The following HTN1 variants were observed in gnomAD, a reference collection of about 807,000 sequenced individuals.
The protein encoded by HTN1 is histatin-1.
In HTN1, 18 loss-of-function variants were observed where a neutral mutation model predicts 11.2. The observed-to-expected ratio is 1.61, with a 90% confidence interval of 1.12 to 2.39. The LOEUF (loss-of-function observed/expected upper bound fraction) is 2.39, where lower values mean the gene tolerates loss of function less well. HTN1 is among the 30% of genes most tolerant of loss of function. HTN1 has a pLI of 0.00. For missense variants in HTN1, 80 were observed against 67.2 expected, an observed-to-expected ratio of 1.19 and a Z score of -0.67; for synonymous variants, 21 against 20.5, an observed-to-expected ratio of 1.02 and a Z score of -0.07.
Position 70,055,597 on chromosome 4 carries a change from A to T in HTN1, c.*28A>T, listed in dbSNP as rs1414486147. The T allele has an allele frequency of 2.2e-6, 3 of 1,386,414 alleles. No individual in the cohort carries two copies. The highest frequency in any genetic ancestry group is 2.9e-5 in the African/African-American group (2 of 69,952). The allele number at this position is 1,386,414 out of a possible 1,614,324, so 85.9% of individuals were successfully genotyped here. On this transcript the variant is annotated 3_prime_UTR_variant, in exon 5 of 6. Transcript: ENST00000246896. ...TCCTTAGTAATCATGGGGCATGATT[A>T]TAGAGGTAAGCTGACTCTAGTTGCT...
At chr4:70,052,830 T>A in intron 1 of HTN1, 1 of 348,144 alleles carries the variant, frequency 2.9e-6, no homozygotes, top group Non-Finnish European at 5.3e-6. Flanking sequence ...TCGCTGGGCA[T>A]GGTGGCACAC....
intron 2 of HTN1, 43 bp from the exon 3 acceptor site, chr4:70,054,279 A>G: frequency 1.7e-6 from 2 of 1,204,348 alleles, no homozygotes; most frequent in Non-Finnish European, 2.3e-6. Flanking sequence ...TTGAATTATA[A>G]AATTAAAATA....
intron 2 of HTN1, 137 bp downstream of exon 2, chr4:70,053,264 T>C: frequency 1.8e-6 from 1 of 550,942 alleles, no homozygotes; most frequent in South Asian, 2.9e-5. Context: ...CTACAAGGAG[T>C]TTCTTTGAAT....
At chr4:70,050,972 A>T (rs1258864449) in intron 1 of HTN1, among the ~76,000 whole-genome samples, 1 of 152,138 alleles carries the variant, frequency 6.6e-6, no homozygotes, top group Admixed American at 6.6e-5. Context: ...CCAGATCTCA[A>T]TTCCTATGAA....
intron 5 of HTN1, chr4:70,056,347 G>T (rs10019826): frequency 1.2e-4 from 18 of 151,992 alleles, no homozygotes; most frequent in African/African-American, 4.1e-4. Flanking sequence ...GCAGAAAACC[G>T]AAACTGGACC....
At chr4:70,053,773 T>C (rs2109727937) in intron 2 of HTN1, among the ~76,000 whole-genome samples, 1 of 152,194 alleles carries the variant, frequency 6.6e-6, no homozygotes, top group East Asian at 1.9e-4. Context: ...TCTATGAACT[T>C]AATAGAAAAT....
At chr4:70,053,603 A>C (rs56848198) in intron 2 of HTN1, among the ~76,000 whole-genome samples, 5,794 of 152,210 alleles carry the variant, frequency 0.038, 357 homozygotes, top group African/African-American at 0.13. Context: ...TGCTTATTTT[A>C]AACCATAAAA....
In HTN1 at chr4:70,058,623, TC is replaced by T. The variant is rs970213216; in HGVS notation, c.*78del. On this transcript the variant is annotated 3_prime_UTR_variant, in exon 6 of 6. Transcript: ENST00000246896. ...CTTTTTACTCATTTATTCTCATTCA[TC>T]ATACCGCATCACACTACCACTGCTT... 6.6e-6 allele frequency: 1 copy of T among 152,194 alleles called. No individual in the cohort carries two copies. Among genetic ancestry groups the T allele is most frequent in the Non-Finnish European group, 1.5e-5 (1 of 68,018 alleles). 9.4% of individuals were successfully genotyped at this position (152,194 alleles called of 1,614,324 possible).
intron 1 of HTN1, chr4:70,052,832 G>T (rs1725930691): frequency 5.5e-6 from 2 of 366,778 alleles, no homozygotes; most frequent in Non-Finnish European, 1.0e-5. Flanking sequence ...GCTGGGCATG[G>T]TGGCACACAC....
At chr4:70,051,119 A>T (rs1725880490) in intron 1 of HTN1, among the ~76,000 whole-genome samples, 1 of 152,156 alleles carries the variant, frequency 6.6e-6, no homozygotes, top group Non-Finnish European at 1.5e-5. Flanking sequence ...TTAATTATTA[A>T]TTCTACATTT....
At chr4:70,054,255 A>G (rs1263127903) in intron 2 of HTN1, 67 bp from the exon 3 acceptor site, 4 of 1,024,648 alleles carry the variant, frequency 3.9e-6, no homozygotes, top group Non-Finnish European at 5.7e-6. Flanking sequence ...CTAAGTCAAT[A>G]TTTATACTTA....
At chr4:70,053,221 C>A in intron 2 of HTN1, 94 bp downstream of exon 2, 1 of 767,802 alleles carries the variant, frequency 1.3e-6, no homozygotes, top group African/African-American at 1.7e-5. Context: ...CTCATGTTGA[C>A]CTCAATACAG....
chr4:70,058,013 T>A (rs1726086857), intron 5 of HTN1: 1 of 152,212 alleles, frequency 6.6e-6, no homozygotes, highest in South Asian at 2.1e-4. Context: ...TTATCTATAT[T>A]CACAGCATAA....
At chr4:70,052,826 G>C (rs1243093976) in intron 1 of HTN1, 36 of 351,424 alleles carry the variant, frequency 1.0e-4, no homozygotes, top group Non-Finnish European at 3.7e-5. Flanking sequence ...AAATTCGCTG[G>C]GCATGGTGGC....
chr4:70,051,364 CATTT>C (rs1453709317), intron 1 of HTN1, among the ~76,000 whole-genome samples: 1 of 151,974 alleles, frequency 6.6e-6, no homozygotes, highest in Non-Finnish European at 1.5e-5. Context: ...CATTTTCATT[CATTT>C]GTGTTATGGC....
At chr4:70,051,183 G>C (rs1725882690) in intron 1 of HTN1, among the ~76,000 whole-genome samples, 3 of 151,634 alleles carry the variant, frequency 2.0e-5, no homozygotes, top group Admixed American at 1.3e-4. Flanking sequence ...ATTCTCTCTT[G>C]GTAAATATAT....
chr4:70,052,184 T>C (rs1249511917), intron 1 of HTN1, among the ~76,000 whole-genome samples: 3 of 152,120 alleles, frequency 2.0e-5, no homozygotes, highest in Non-Finnish European at 4.4e-5. Context: ...TCCCTGTGAA[T>C]TCTCTTCATT....
chr4:70,052,572 C>G (rs1410205398), intron 1 of HTN1, among the ~76,000 whole-genome samples: 1 of 152,052 alleles, frequency 6.6e-6, no homozygotes, highest in East Asian at 1.9e-4. Flanking sequence ...CCTTCTTACT[C>G]CCATCCTCTT....
At chr4:70,056,210 G>C (rs1304345132) in intron 5 of HTN1, 1 of 151,952 alleles carries the variant, frequency 6.6e-6, no homozygotes, top group Non-Finnish European at 1.5e-5. Flanking sequence ...TAGCAATTGT[G>C]AATGGGAGTT....
Sources: gnomAD v4.1 joint callset for allele counts (sites outside exome capture counted in the v4.1 genomes callset) on GRCh38, gnomAD v4.1.1 for gene constraint, MANE v1.5 for transcripts, NCBI Gene and HGNC (gene_info 2026-07-23, HGNC 2026-07-21) for gene names.